The following ADGRL3 variants were observed in gnomAD, a reference collection of about 807,000 sequenced individuals.
ADGRL3 encodes calcium-independent alpha-latrotoxin receptor 3.
Under a neutral mutation model 153.5 loss-of-function variants are expected in ADGRL3, and 62 were observed. That is an observed-to-expected ratio of 0.40 (90% CI 0.33 to 0.50). The LOEUF (loss-of-function observed/expected upper bound fraction) is 0.50, where lower values mean the gene tolerates loss of function less well. Among genes scored for constraint, ADGRL3 ranks in the 20% least tolerant of loss-of-function variants. The pLI is 0.47. For missense variants in ADGRL3, 1,641 were observed against 1,859.4 expected (o/e 0.88, Z 2.16); for synonymous variants, 710 against 672.5 (o/e 1.06, Z -0.86).
At chr4:61,679,755 G>A (rs531210346) in intron 6 of ADGRL3, among the ~76,000 whole-genome samples, 91 of 152,112 alleles carry the variant, frequency 6.0e-4, no homozygotes, top group Non-Finnish European at 1.0e-3. Context: ...GAATGGCAAA[G>A]ATTAGATTTG....
intron 21 of ADGRL3, among the ~76,000 whole-genome samples, chr4:62,012,435 T>C (rs1391031986): frequency 6.6e-6 from 1 of 152,198 alleles, no homozygotes; most frequent in African/African-American, 2.4e-5. Context: ...CATGTGGTAA[T>C]TTATTTAATC....
intron 8 of ADGRL3, among the ~76,000 whole-genome samples, chr4:61,804,959 A>ATTTT (rs1231512178): frequency 4.1e-5 from 6 of 145,680 alleles, no homozygotes; most frequent in Admixed American, 6.8e-5. Context: ...ATTTTTATTT[A>ATTTT]TTTATTTTTT....
chr4:61,526,802 G>A (rs2098564446), intron 4 of ADGRL3, among the ~76,000 whole-genome samples: 1 of 151,856 alleles, frequency 6.6e-6, no homozygotes, highest in Non-Finnish European at 1.5e-5. Flanking sequence ...AGTTTAAAAT[G>A]TTTAATTCGA....
intron 25 of ADGRL3, among the ~76,000 whole-genome samples, chr4:62,048,851 C>T (rs1732596151): frequency 6.6e-6 from 1 of 152,052 alleles, no homozygotes; most frequent in East Asian, 1.9e-4. Context: ...CTGTGCCTAG[C>T]CTTGAACTAT....
At chr4:61,572,854 C>T (rs1392328222) in intron 4 of ADGRL3, among the ~76,000 whole-genome samples, 1 of 151,966 alleles carries the variant, frequency 6.6e-6, no homozygotes, top group African/African-American at 2.4e-5. Flanking sequence ...CTTCAAGGCT[C>T]CATCGTGTGA....
intron 24 of ADGRL3, among the ~76,000 whole-genome samples, chr4:62,043,087 T>G (rs1036035108): frequency 1.3e-5 from 2 of 152,126 alleles, no homozygotes; most frequent in African/African-American, 4.8e-5. Flanking sequence ...GTATAGTTTA[T>G]TCATCCATCC....
At chr4:61,693,644 G>C (rs2095580344) in intron 6 of ADGRL3, among the ~76,000 whole-genome samples, 1 of 152,130 alleles carries the variant, frequency 6.6e-6, no homozygotes, top group Admixed American at 6.6e-5. Context: ...TTGATGTTTT[G>C]TGATACTTTG....
chr4:61,470,951 A>T (rs1320713208), intron 2 of ADGRL3, among the ~76,000 whole-genome samples: 4 of 151,944 alleles, frequency 2.6e-5, no homozygotes, highest in Non-Finnish European at 4.4e-5. Flanking sequence ...ATTTTAGAAC[A>T]CTGGAAACAT....
chr4:61,635,357 A>G (rs186274626), intron 5 of ADGRL3, among the ~76,000 whole-genome samples: 85 of 152,296 alleles, frequency 5.6e-4, no homozygotes, highest in African/African-American at 2.0e-3. Context: ...AGAAGAGTTA[A>G]GAGAGAAGTC....
In ADGRL3 at chr4:61,444,480, T is replaced by G. The variant is rs905885515; in HGVS notation, c.-173-52641T>G. On this transcript the variant is annotated intron_variant, in intron 2 of 26. Coordinates refer to ENST00000683033, the MANE Select transcript of ADGRL3 (RefSeq NM_001387552.1). ...TTTCAGAACTAGACCTTGGCCTACC[T>G]TCCTTAGAACCTTCTCAAAGCTGAC... 2.9e-4 allele frequency among the ~76,000 whole-genome samples: 44 copies of G among 152,148 alleles called. 1 individual carries two copies. Among genetic ancestry groups the G allele is most frequent in the African/African-American group, 1.0e-3 (43 of 41,446 alleles).
At chr4:62,052,151 G>A (rs1465283765) in intron 25 of ADGRL3, among the ~76,000 whole-genome samples, 2 of 151,378 alleles carry the variant, frequency 1.3e-5, no homozygotes, top group African/African-American at 4.8e-5. Context: ...GACTATTAAA[G>A]GCAACATCTA....
chr4:61,655,382 A>G (rs907455046), intron 5 of ADGRL3, among the ~76,000 whole-genome samples: 1 of 152,200 alleles, frequency 6.6e-6, no homozygotes, highest in Admixed American at 6.5e-5. Flanking sequence ...GCACTTTAAT[A>G]AAAGCAAAAG....
chr4:61,973,965 A>G (rs1412790060), intron 17 of ADGRL3, among the ~76,000 whole-genome samples: 1 of 152,008 alleles, frequency 6.6e-6, no homozygotes, highest in African/African-American at 2.4e-5. Flanking sequence ...TGCTTTGGAC[A>G]TTTTTTGTTT....
intron 4 of ADGRL3, among the ~76,000 whole-genome samples, chr4:61,573,060 G>A (rs576790561): frequency 9.9e-5 from 15 of 151,922 alleles, no homozygotes; most frequent in Non-Finnish European, 1.9e-4. Context: ...TTACTTATTA[G>A]CACAGAAAGC....
At chr4:61,606,811 T>G (rs755435420) in intron 5 of ADGRL3, among the ~76,000 whole-genome samples, 1 of 151,874 alleles carries the variant, frequency 6.6e-6, no homozygotes, top group Non-Finnish European at 1.5e-5. Flanking sequence ...AGGATAGAAT[T>G]AAGGGGAAAA....
chr4:61,342,274 G>A (rs1346904536), intron 1 of ADGRL3, among the ~76,000 whole-genome samples: 1 of 152,106 alleles, frequency 6.6e-6, no homozygotes, highest in Non-Finnish European at 1.5e-5. Flanking sequence ...AACCTCTTGA[G>A]TCTGACAGTT....
chr4:61,921,988 T>C (rs183444233), intron 13 of ADGRL3, among the ~76,000 whole-genome samples: 82 of 152,254 alleles, frequency 5.4e-4, no homozygotes, highest in Admixed American at 1.5e-3. Flanking sequence ...TTGAATAAAC[T>C]ACTAAACTAA....
At chr4:61,434,209 T>A (rs7670797) in intron 2 of ADGRL3, among the ~76,000 whole-genome samples, 59,774 of 151,882 alleles carry the variant, frequency 0.39, 12,312 homozygotes, top group Middle Eastern at 0.57. Flanking sequence ...GGGGCTTCCT[T>A]AAAGAGTCTC....
chr4:61,335,137 T>G (rs2095650356), intron 1 of ADGRL3, among the ~76,000 whole-genome samples: 1 of 152,092 alleles, frequency 6.6e-6, no homozygotes, highest in African/African-American at 2.4e-5. Context: ...TAATAAAATG[T>G]TGCGTTAATA....
Sources: allele counts gnomAD v4.1 joint callset (sites outside exome capture counted in the v4.1 genomes callset), GRCh38; gene constraint gnomAD v4.1.1; transcripts MANE v1.5; gene names NCBI Gene and HGNC (gene_info 2026-07-23, HGNC 2026-07-21).